ABCB10: variants seen among roughly 807,000 people sequenced by gnomAD.
ABCB10 encodes ATP-binding cassette sub-family B member 10, mitochondrial.
In ABCB10, 54 loss-of-function variants were observed where a neutral mutation model predicts 65.4. The ratio of observed to expected loss-of-function variants is 0.83; its 90% confidence interval spans 0.66 to 1.04. The LOEUF (loss-of-function observed/expected upper bound fraction) is 1.04. Among genes scored for constraint, ABCB10 ranks in the 50% least tolerant of loss-of-function variants. The pLI, the probability that ABCB10 is intolerant of heterozygous loss-of-function variation, is 0.00. For missense variants in ABCB10, 846 were observed against 976.6 expected, an observed-to-expected ratio of 0.87 and a Z score of 1.78; for synonymous variants, 418 against 406.5, an observed-to-expected ratio of 1.03 and a Z score of -0.34.
intron 6 of ABCB10, among the ~76,000 whole-genome samples, chr1:229,534,635 G>A (rs1196672228): frequency 1.3e-5 from 2 of 151,760 alleles, no homozygotes; most frequent in Admixed American, 6.6e-5. Flanking sequence ...TTGGGAGGCC[G>A]AGGCAGGTGG....
intron 9 of ABCB10, 69 bp downstream of exon 9, chr1:229,527,160 A>T (rs567133391): frequency 6.8e-7 from 1 of 1,472,630 alleles, no homozygotes; most frequent in East Asian, 2.3e-5. Context: ...GAGACAAAAA[A>T]AAAAAAAAGC....
intron 5 of ABCB10, 138 bp downstream of exon 5, chr1:229,540,468 A>G (rs1662817433): frequency 1.1e-6 from 1 of 892,398 alleles, no homozygotes; most frequent in Non-Finnish European, 1.6e-6. Context: ...ATTTTAAAGA[A>G]AGTCATTCTT....
rs1663040874 is a variant in ABCB10 at position 229,549,153 on chromosome 1, T to A, written c.718+81A>T. On this transcript the variant is annotated intron_variant, in intron 2 of 12. Transcript: ENST00000344517. ...GGAAGAGAATGGAGCCTGGAGCACA[T>A]GAGATTTGAGCCCGAACAAACCCAC... 6.8e-6 allele frequency: 10 copies of A among 1,460,248 alleles called. No individual in the cohort carries two copies. In the South Asian group the frequency reaches 1.2e-4, roughly 17 times the overall value. 90.5% of individuals were successfully genotyped at this position (1,460,248 alleles called of 1,614,324 possible).
chr1:229,529,295 C>CAAAAAAAAAAAAAAAAAAAAAAAAAAAAA (rs59264291), intron 8 of ABCB10, among the ~76,000 whole-genome samples: 1 of 23,130 alleles, frequency 4.3e-5, no homozygotes, highest in African/African-American at 1.6e-4. Context: ...GACTCCGTCT[C>CAAAAAAAAAAAAAAAAAAAAAAAAAAAAA]AAAAAAAAAA....
chr1:229,550,674 G>A (rs1433612932), intron 1 of ABCB10, among the ~76,000 whole-genome samples: 3 of 149,516 alleles, frequency 2.0e-5, no homozygotes, highest in African/African-American at 7.5e-5. Context: ...CCAACATGGT[G>A]AAACCCTGTC....
At chr1:229,552,386 G>C (rs371263875) in intron 1 of ABCB10, among the ~76,000 whole-genome samples, 9 of 152,278 alleles carry the variant, frequency 5.9e-5, no homozygotes, top group East Asian at 5.8e-4. Context: ...TTTCTCCATA[G>C]TTAAGTCTCT....
At chr1:229,525,567 A>G (rs897789712) in intron 10 of ABCB10, among the ~76,000 whole-genome samples, 29 of 152,304 alleles carry the variant, frequency 1.9e-4, no homozygotes, top group South Asian at 2.1e-4. Flanking sequence ...TGGGCTGGGC[A>G]CGGTGGCTCA....
intron 1 of ABCB10, chr1:229,549,822 C>A: frequency 9.4e-6 from 2 of 212,182 alleles, no homozygotes; most frequent in South Asian, 8.1e-5. Flanking sequence ...TGCTATACTC[C>A]TTGGCATCTA....
intron 1 of ABCB10, among the ~76,000 whole-genome samples, chr1:229,553,375 A>G (rs1663164345): frequency 6.6e-6 from 1 of 151,858 alleles, no homozygotes; most frequent in Non-Finnish European, 1.5e-5. Context: ...CTCCCAAAGT[A>G]CTGGGATTAC....
chr1:229,524,939 C>T (rs1430901164), intron 10 of ABCB10, among the ~76,000 whole-genome samples: 3 of 151,988 alleles, frequency 2.0e-5, no homozygotes, highest in African/African-American at 4.8e-5. Flanking sequence ...CTGCAACCTC[C>T]GCCTCCTGAG....
chr1:229,523,314 C>A (rs969788688), intron 10 of ABCB10, among the ~76,000 whole-genome samples: 1 of 152,242 alleles, frequency 6.6e-6, no homozygotes, highest in Non-Finnish European at 1.5e-5. Flanking sequence ...AGAGTGCTCA[C>A]TCCTCCCAAC....
chr1:229,545,396 T>C (rs190411396), intron 3 of ABCB10, among the ~76,000 whole-genome samples: 28 of 152,342 alleles, frequency 1.8e-4, no homozygotes, highest in Non-Finnish European at 7.4e-5. Flanking sequence ...ATCCAAGCTT[T>C]TCCACTTGTG....
At chr1:229,549,211 T>A (rs1663043418) in intron 2 of ABCB10, 23 bp downstream of exon 2, 1 of 1,612,712 alleles carries the variant, frequency 6.2e-7, no homozygotes, top group South Asian at 1.1e-5. Context: ...ATGACTCACA[T>A]CCCTGAGAGG....
intron 7 of ABCB10, among the ~76,000 whole-genome samples, chr1:229,530,806 A>C (rs1662567029): frequency 6.6e-6 from 1 of 152,036 alleles, no homozygotes; most frequent in African/African-American, 2.4e-5. Context: ...GCCTCTGTGT[A>C]GCTCCAGAGT....
chr1:229,550,591 G>A (rs531383667), intron 1 of ABCB10, among the ~76,000 whole-genome samples: 364 of 148,056 alleles, frequency 2.5e-3, no homozygotes, highest in African/African-American at 8.8e-3. Flanking sequence ...GGTGGCTCAC[G>A]CCTGTAATCC....
At position 229,558,397 on chromosome 1, in the gene ABCB10, G is replaced by C; in HGVS notation, c.256C>G (p.Leu86Val). The change falls in exon 1 of 13, where the codon CTC becomes GTC. Residue 86 changes from leucine (L) to valine (V), a missense_variant. Around this residue, in one of 2 missense-constraint regions of ABCB10, gnomAD observed 214 missense variants for 173.5 expected, o/e 1.23. Coordinates refer to ENST00000344517, the MANE Select transcript of ABCB10 (RefSeq NM_012089.3). Reference sequence around the variant, plus strand: ...GCCCACAGCCCCAGGAGCCGCGCGAGGCCCAGGACGCCCCGCGAGGCGCCC... The same window carrying C: ...GCCCACAGCCCCAGGAGCCGCGCGACGCCCAGGACGCCCCGCGAGGCGCCC... ...GPGASRGVLG[L>V]ARLLGLWARG... is the part of the protein sequence containing the mutation. 1 of 1,200,810 alleles carries C rather than the reference G, an allele frequency of 8.3e-7. No homozygotes were observed. Among genetic ancestry groups the C allele is most frequent in the Non-Finnish European group, 1.0e-6 (1 of 968,222 alleles). The allele number at this position is 1,200,810 out of a possible 1,614,324, so 74.4% of individuals were successfully genotyped here.
chr1:229,528,098 T>C (rs1486623554), intron 8 of ABCB10, among the ~76,000 whole-genome samples: 1 of 152,186 alleles, frequency 6.6e-6, no homozygotes, highest in Non-Finnish European at 1.5e-5. Context: ...AGAAATGCCA[T>C]TTCTTCTCAG....
At chr1:229,549,529 CAG>C (rs953724069) in intron 1 of ABCB10, 95 bp from the exon 2 acceptor site, 21 of 1,200,028 alleles carry the variant, frequency 1.7e-5, no homozygotes, top group Non-Finnish European at 2.5e-5. Flanking sequence ...AAGCTGTTGT[CAG>C]AGTATGCGTT....
rs1663313786 is a variant in ABCB10 at position 229,558,323 on chromosome 1, A to G, written c.330T>C (p.Ala110=). The stretch of plus-strand genomic sequence containing the variant: ...GGAACCGGGCGCGCGGGAGCCGAGG[A>G]GCGCCTGGCCCGGCAAAAGCCCCGC... ...CRCGAFAGPG[A]PRLPRARFPG... is the part of the protein sequence containing the mutation. The change falls in exon 1 of 13, where the codon GCT becomes GCC. Residue 110 remains alanine (A), a synonymous_variant. Transcript: ENST00000344517. 3.2e-6 allele frequency: 4 copies of G among 1,246,886 alleles called. No individual in the cohort carries two copies. Among genetic ancestry groups the G allele is most frequent in the Non-Finnish European group, 4.0e-6 (4 of 988,316 alleles). 77.2% of individuals were successfully genotyped at this position (1,246,886 alleles called of 1,614,324 possible).
Sources: allele counts gnomAD v4.1 joint callset (sites outside exome capture counted in the v4.1 genomes callset), GRCh38; gene constraint gnomAD v4.1.1; regional missense constraint gnomAD v4.1.1; transcripts MANE v1.5; gene names NCBI Gene and HGNC (gene_info 2026-07-23, HGNC 2026-07-21).